RHOBTB2: variants seen among roughly 807,000 people sequenced by gnomAD.
RHOBTB2 encodes Rho related BTB domain containing 2, also known as rho-related BTB domain-containing protein 2.
RHOBTB2 carries 39 observed loss-of-function variants against 66.5 expected under a neutral mutation model. That is an observed-to-expected ratio of 0.59 (90% CI 0.45 to 0.77). The LOEUF (loss-of-function observed/expected upper bound fraction) is 0.77. RHOBTB2 is among the 30% of genes least tolerant of loss of function. RHOBTB2 has a pLI of 0.00. For missense variants in RHOBTB2, 755 were observed against 999.1 expected (o/e 0.76, Z 3.29); for synonymous variants, 390 against 395.0 (o/e 0.99, Z 0.15).
Position 23,017,535 on chromosome 8 carries a change from C to A in RHOBTB2, c.*66C>A, listed in dbSNP as rs575807643. The A allele has an allele frequency of 6.5e-7, 1 of 1,542,724 alleles. No homozygotes were observed. The highest frequency in any genetic ancestry group is 1.2e-5 in the South Asian group (1 of 83,056). On this transcript the variant is annotated 3_prime_UTR_variant, in exon 10 of 10. Transcript: ENST00000251822. This position sits in a 1 kb window ranked among gnomAD's most constrained non-coding sequence, Gnocchi z 5.3. ...ATCCGCCTTCACCCCTCTGCTCTTC[C>A]GCATCACCCCATCCACCTTACAGGG...
the RHOBTB2 span, among the ~76,000 whole-genome samples, chr8:22,955,395 T>C: frequency 6.6e-5 from 10 of 152,156 alleles, no homozygotes; most frequent in South Asian, 2.1e-3. Flanking sequence ...CCCCGAGGTT[T>C]ACCGAATGCC....
the RHOBTB2 span, among the ~76,000 whole-genome samples, chr8:22,960,023 A>T: frequency 8.9e-5 from 12 of 135,084 alleles, 1 homozygote; most frequent in African/African-American, 3.1e-4. Context: ...AAAAAAAAAT[A>T]CAAAAAAAAC....
At chr8:22,995,768 C>A (rs768995685), upstream of RHOBTB2, 1 of 1,357,896 alleles carries the variant, frequency 7.4e-7, no homozygotes, top group Non-Finnish European at 1.0e-6. Flanking sequence ...AGGAACACCA[C>A]GTGCCCCAGC....
In RHOBTB2 at chr8:22,999,757, C is replaced by T. The variant is rs1166032461; in HGVS notation, c.-359C>T. ...GCGCGTAGCGGCGGCGGCCTCGCCC[C>T]TCTCCCGGCGCCCCTGCGCGCCGCC... On this transcript the variant is annotated 5_prime_UTR_variant, in exon 1 of 10. Transcript: ENST00000251822. 6.9e-6 allele frequency: 7 copies of T among 1,008,540 alleles called. No individual in the cohort carries two copies. Among genetic ancestry groups the T allele is most frequent in the South Asian group, 3.7e-5 (1 of 27,096 alleles). 62.5% of individuals were successfully genotyped at this position (1,008,540 alleles called of 1,614,324 possible). A position where few individuals can be genotyped will look rare whatever the true frequency, so the allele number is the denominator to read the frequency against.
At chr8:22,959,243 TTTTGTTTG>T in the RHOBTB2 span, among the ~76,000 whole-genome samples, 8 of 151,178 alleles carry the variant, frequency 5.3e-5, no homozygotes, top group South Asian at 2.1e-4. Flanking sequence ...ATTTTTCTTT[TTTTGTTTG>T]TTTGTTTGTT....
In RHOBTB2 at chr8:23,015,627, T is replaced by C; in HGVS notation, c.1861-11T>C. Reference sequence around the variant, plus strand: ...GATTTCAGTACAGACGTTCTTCCCTTCTGTCCCCAGTTCCACTGTGCGTAC... The same window carrying C: ...GATTTCAGTACAGACGTTCTTCCCTCCTGTCCCCAGTTCCACTGTGCGTAC... On this transcript the variant is annotated splice_polypyrimidine_tract_variant and intron_variant, in intron 8 of 9. Transcript: ENST00000251822. The C allele has an allele frequency of 6.3e-7, 1 of 1,593,262 alleles. No individual in the cohort carries two copies. The highest frequency in any genetic ancestry group is 8.6e-7 in the Non-Finnish European group (1 of 1,161,292).
At chr8:22,968,544 G>C in the RHOBTB2 span, among the ~76,000 whole-genome samples, 3 of 152,088 alleles carry the variant, frequency 2.0e-5, no homozygotes, top group Non-Finnish European at 2.9e-5. Flanking sequence ...CAATGTGGCA[G>C]AATATTCAAG....
In RHOBTB2 at chr8:23,010,690, T is replaced by A; in HGVS notation, c.1771+2T>A. Reference sequence around the variant, plus strand: ...TGCCACACCTGGTTGCCCTCACAGGTAACTAAGCAGTGCACTCGGGGACCT... The same window carrying A: ...TGCCACACCTGGTTGCCCTCACAGGAAACTAAGCAGTGCACTCGGGGACCT... On this transcript the variant is annotated splice_donor_variant, in intron 7 of 9. Coordinates refer to ENST00000251822, the MANE Select transcript of RHOBTB2 (RefSeq NM_015178.3). LOFTEE classifies it high-confidence loss of function. 6.2e-7 allele frequency: 1 copy of A among 1,613,990 alleles called. No homozygotes were observed. Among genetic ancestry groups the A allele is most frequent in the Non-Finnish European group, 8.5e-7 (1 of 1,179,966 alleles).
chr8:22,951,585 C>T, the RHOBTB2 span, among the ~76,000 whole-genome samples: 8 of 152,116 alleles, frequency 5.3e-5, no homozygotes, highest in South Asian at 2.1e-4. Flanking sequence ...TCACAAAATA[C>T]GTTTTCAAGG....
chr8:22,999,129 T>A (rs1810671590), upstream of RHOBTB2: 1 of 152,456 alleles, frequency 6.6e-6, no homozygotes, highest in African/African-American at 2.4e-5. Context: ...AAACGCCGGT[T>A]ATTCGTCCCT....
At chr8:22,979,126 C>T in the RHOBTB2 span, among the ~76,000 whole-genome samples, 1 of 152,106 alleles carries the variant, frequency 6.6e-6, no homozygotes, top group African/African-American at 2.4e-5. Context: ...TGTTCTTACC[C>T]TAAGAAAAAC....
chr8:22,963,457 T>G, the RHOBTB2 span, among the ~76,000 whole-genome samples: 1 of 151,998 alleles, frequency 6.6e-6, no homozygotes, highest in African/African-American at 2.4e-5. Context: ...TAATTTCACA[T>G]TAGAGAAAAG....
At chr8:22,967,331 G>A in the RHOBTB2 span, among the ~76,000 whole-genome samples, 115 of 152,304 alleles carry the variant, frequency 7.6e-4, no homozygotes, top group African/African-American at 2.5e-3. Flanking sequence ...AATACTGGCT[G>A]GGCATGGTGG....
the RHOBTB2 span, among the ~76,000 whole-genome samples, chr8:22,960,926 A>G: frequency 2.4e-4 from 36 of 152,166 alleles, no homozygotes; most frequent in Non-Finnish European, 4.3e-4. Flanking sequence ...CAAACCTGAA[A>G]AGTTATTTCT....
At chr8:22,962,168 T>A in the RHOBTB2 span, among the ~76,000 whole-genome samples, 3 of 14,250 alleles carry the variant, frequency 2.1e-4, no homozygotes, top group African/African-American at 2.9e-4. Context: ...CTAAAAACAA[T>A]AACGAATTTA....
the RHOBTB2 span, among the ~76,000 whole-genome samples, chr8:22,953,154 T>C: frequency 6.6e-6 from 1 of 152,152 alleles, no homozygotes. Context: ...GTTATACACG[T>C]GCTCATTTGA....
intron 1 of RHOBTB2, among the ~76,000 whole-genome samples, chr8:22,991,106 C>T (rs571540556): frequency 6.6e-6 from 1 of 152,232 alleles, no homozygotes; most frequent in African/African-American, 2.4e-5. Context: ...TGGGTGAGCT[C>T]AGAGGTAGCT....
chr8:23,001,310 G>T (rs561057739), intron 1 of RHOBTB2, among the ~76,000 whole-genome samples: 1 of 150,904 alleles, frequency 6.6e-6, no homozygotes, highest in Admixed American at 6.6e-5. Context: ...AGAAGAGAGA[G>T]CCGGAGGGAG....
chr8:23,017,268 C>T lies in RHOBTB2; in HGVS notation c.1983C>T (p.Phe661=), dbSNP rs766313715. The T allele has an allele frequency of 8.1e-6, 13 of 1,613,984 alleles. No homozygotes were observed. In the South Asian group the frequency reaches 8.8e-5, roughly 11 times the overall value. Residue 661 remains phenylalanine, a synonymous_variant, in exon 10 of 10, where the codon TTC becomes TTT. Transcript: ENST00000251822. The surrounding 1 kb of genome is among the most constrained non-coding windows in gnomAD (Gnocchi z 5.3). The stretch of plus-strand genomic sequence containing the variant: ...CTGCTCCAGAAAACCAGGAGTATTT[C>T]GAGAAGCATCGGTGGCCACCTGTGT... ...KAMSPENQEY[F]EKHRWPPVWY... is the part of the protein sequence containing the mutation.
Sources: allele counts gnomAD v4.1 joint callset (sites outside exome capture counted in the v4.1 genomes callset), GRCh38; gene constraint gnomAD v4.1.1; non-coding constraint Gnocchi (gnomAD v3.1); transcripts MANE v1.5; gene names NCBI Gene and HGNC (gene_info 2026-07-23, HGNC 2026-07-21).